NELL1: variants seen among roughly 807,000 people sequenced by gnomAD.
NELL1 encodes the protein protein kinase C-binding protein NELL1.
Under a neutral mutation model 107.4 loss-of-function variants are expected in NELL1, and 76 were observed. The observed-to-expected ratio is 0.71, with a 90% confidence interval of 0.59 to 0.86. The LOEUF (loss-of-function observed/expected upper bound fraction) is 0.86, where lower values mean the gene tolerates loss of function less well. NELL1 is among the 40% of genes least tolerant of loss of function. NELL1 has a pLI of 0.00. For synonymous variants in NELL1, 353 were observed against 341.2 expected (o/e 1.03, Z -0.38); for missense variants, 1,024 against 1,005.5 (o/e 1.02, Z -0.25).
intron 12 of NELL1, among the ~76,000 whole-genome samples, chr11:21,039,829 T>C (rs1253020613): frequency 1.3e-5 from 2 of 152,136 alleles, no homozygotes; most frequent in Non-Finnish European, 1.5e-5. Flanking sequence ...GGAGCTGATA[T>C]ATATCTCTAA....
In NELL1 at chr11:21,157,255, AATG is replaced by A. The variant is rs756539960; in HGVS notation, c.1426+43544_1426+43546del. Among the ~76,000 whole-genome samples the A allele has an allele frequency of 2.0e-5, 3 of 152,090 alleles. No individual in the cohort carries two copies. In the East Asian group the frequency reaches 5.8e-4, roughly 29 times the overall value. The stretch of plus-strand genomic sequence containing the variant: ...ATGTATTTTTAAATATTTGCCTTAG[AATG>A]ATATTATGCTTGTCCTTGCTGACTC... On this transcript the variant is annotated intron_variant, in intron 13 of 19. Transcript: ENST00000357134.
chr11:21,407,945 G>T (rs571302802), intron 15 of NELL1, among the ~76,000 whole-genome samples: 2 of 151,898 alleles, frequency 1.3e-5, no homozygotes, highest in South Asian at 4.2e-4. Flanking sequence ...CAGCTGAATG[G>T]CATCTCTTTC....
At chr11:21,490,990 ACAAT>A (rs759628432) in intron 15 of NELL1, among the ~76,000 whole-genome samples, 2 of 152,192 alleles carry the variant, frequency 1.3e-5, no homozygotes, top group Non-Finnish European at 2.9e-5. Flanking sequence ...AGCAAAAGAA[ACAAT>A]CAACAGAGTG....
At chr11:21,530,173 T>C (rs1008126047) in intron 15 of NELL1, among the ~76,000 whole-genome samples, 3 of 152,150 alleles carry the variant, frequency 2.0e-5, no homozygotes, top group Non-Finnish European at 2.9e-5. Flanking sequence ...CATGACTCAA[T>C]ATCACCCTAA....
intron 2 of NELL1, among the ~76,000 whole-genome samples, chr11:20,712,132 G>T (rs1485117556): frequency 6.6e-6 from 1 of 151,978 alleles, no homozygotes; most frequent in Non-Finnish European, 1.5e-5. Flanking sequence ...TATTTTGGAG[G>T]CTTTGTTAAT....
intron 2 of NELL1, among the ~76,000 whole-genome samples, chr11:20,754,580 A>G (rs1856216501): frequency 6.6e-6 from 1 of 152,228 alleles, no homozygotes; most frequent in African/African-American, 2.4e-5. Flanking sequence ...CAGGGTCTCC[A>G]ACTTTTTATT....
At chr11:21,114,309 T>C (rs1408291103) in intron 13 of NELL1, among the ~76,000 whole-genome samples, 1 of 152,026 alleles carries the variant, frequency 6.6e-6, no homozygotes, top group Non-Finnish European at 1.5e-5. Context: ...ATATTTTCAA[T>C]CATGTACATA....
At chr11:21,573,477 T>C in intron 19 of NELL1, 68 bp downstream of exon 19, 1 of 1,345,508 alleles carries the variant, frequency 7.4e-7, no homozygotes, top group Admixed American at 1.7e-5. Context: ...GGAGGTCCAC[T>C]CCTGATGTTT....
At chr11:21,425,393 C>A (rs1345754614) in intron 15 of NELL1, among the ~76,000 whole-genome samples, 1 of 152,118 alleles carries the variant, frequency 6.6e-6, no homozygotes, top group Non-Finnish European at 1.5e-5. Context: ...ACTATATTAC[C>A]TTCCTTAGCA....
At chr11:21,232,763 C>G (rs1858097365) in intron 14 of NELL1, among the ~76,000 whole-genome samples, 1 of 152,154 alleles carries the variant, frequency 6.6e-6, no homozygotes, top group Admixed American at 6.5e-5. Flanking sequence ...AAGCGATTAT[C>G]CTGCCTCAGC....
At chr11:21,369,717 T>C (rs534230874) in intron 14 of NELL1, among the ~76,000 whole-genome samples, 5 of 152,202 alleles carry the variant, frequency 3.3e-5, no homozygotes, top group Middle Eastern at 3.4e-3. Flanking sequence ...TGCTCACCTA[T>C]CTTTCTTGTG....
chr11:20,930,760 T>C (rs1850600884), intron 9 of NELL1, among the ~76,000 whole-genome samples: 1 of 151,978 alleles, frequency 6.6e-6, no homozygotes, highest in Non-Finnish European at 1.5e-5. Context: ...AGAAAATAAC[T>C]CAATTTTATT....
rs960893393 is a variant in NELL1, at chr11:21,519,002, A to G, written c.1646-15372A>G. 8.5e-5 allele frequency among the ~76,000 whole-genome samples: 13 copies of G among 152,320 alleles called. No individual in the cohort carries two copies. In the East Asian group the frequency reaches 2.3e-3, roughly 27 times the overall value. On this transcript the variant is annotated intron_variant, in intron 15 of 19. Coordinates refer to ENST00000357134, the MANE Select transcript of NELL1 (RefSeq NM_006157.5). ...AGGGTTGGTTCAGCAGCTCAATGAC[A>G]TCAAAGGCCTAGTTTGGTATTTCTG...
At chr11:21,125,107 T>A (rs957175979) in intron 13 of NELL1, among the ~76,000 whole-genome samples, 1 of 152,186 alleles carries the variant, frequency 6.6e-6, no homozygotes, top group Non-Finnish European at 1.5e-5. Context: ...TGGCAGCTGA[T>A]CTGATAGTGG....
At chr11:21,049,196 G>C (rs1853430325) in intron 12 of NELL1, among the ~76,000 whole-genome samples, 1 of 152,136 alleles carries the variant, frequency 6.6e-6, no homozygotes, top group African/African-American at 2.4e-5. Context: ...TATTCCGACA[G>C]AGGCAGCTCT....
chr11:21,188,954 T>C (rs1856991693), intron 13 of NELL1, among the ~76,000 whole-genome samples: 1 of 151,932 alleles, frequency 6.6e-6, no homozygotes, highest in Non-Finnish European at 1.5e-5. Context: ...TTCCTTTCTT[T>C]GCATTTGATA....
intron 2 of NELL1, among the ~76,000 whole-genome samples, chr11:20,751,390 A>C (rs969699023): frequency 6.6e-6 from 1 of 152,192 alleles, no homozygotes. Context: ...AACATTGTCT[A>C]TCATTCCATC....
At chr11:21,308,581 T>C (rs1379367169) in intron 14 of NELL1, among the ~76,000 whole-genome samples, 5 of 152,074 alleles carry the variant, frequency 3.3e-5, no homozygotes, top group African/African-American at 4.8e-5. Flanking sequence ...TACTGTCTGT[T>C]CTAGGGAGAA....
At chr11:20,704,580 A>G (rs528915076) in intron 2 of NELL1, among the ~76,000 whole-genome samples, 1 of 152,204 alleles carries the variant, frequency 6.6e-6, no homozygotes, top group East Asian at 1.9e-4. Flanking sequence ...TTGTTAGTTG[A>G]TGCAGTTTCT....
Sources: gnomAD v4.1 joint callset for allele counts (sites outside exome capture counted in the v4.1 genomes callset) on GRCh38, gnomAD v4.1.1 for gene constraint, MANE v1.5 for transcripts, NCBI Gene and HGNC (gene_info 2026-07-23, HGNC 2026-07-21) for gene names.